Variants in STK17A observed in about 807,000 individuals in gnomAD.
STK17A encodes the protein serine/threonine-protein kinase 17A.
In STK17A, 26 loss-of-function variants were observed where a neutral mutation model predicts 43.7. That is an observed-to-expected ratio of 0.60 (90% CI 0.44 to 0.83). The LOEUF is 0.83. STK17A is among the 40% of genes least tolerant of loss of function. The pLI is 0.00. For missense variants in STK17A, 476 were observed against 511.6 expected, an observed-to-expected ratio of 0.93 and a Z score of 0.67; for synonymous variants, 191 against 182.5, an observed-to-expected ratio of 1.05 and a Z score of -0.38.
chr7:43,600,978 A>G (rs943357572), intron 2 of STK17A, among the ~76,000 whole-genome samples: 1 of 152,236 alleles, frequency 6.6e-6, no homozygotes, highest in African/African-American at 2.4e-5. Flanking sequence ...CATGTAGCAA[A>G]AAGGTAGAAA....
At chr7:43,621,295 A>G (rs1157826219) in intron 4 of STK17A, among the ~76,000 whole-genome samples, 3 of 152,200 alleles carry the variant, frequency 2.0e-5, no homozygotes, top group African/African-American at 7.2e-5. Flanking sequence ...CCACTAAGTT[A>G]GTTTTGGGGA....
chr7:43,601,302 C>T (rs548419151), intron 2 of STK17A, among the ~76,000 whole-genome samples: 5 of 152,156 alleles, frequency 3.3e-5, no homozygotes, highest in East Asian at 1.9e-4. Context: ...AGAAATAATA[C>T]GAACATGAGA....
chr7:43,600,205 CTG>C (rs913823333), intron 2 of STK17A, among the ~76,000 whole-genome samples: 1 of 152,212 alleles, frequency 6.6e-6, no homozygotes, highest in African/African-American at 2.4e-5. Context: ...CTCCTTTAAA[CTG>C]TACTTAATTT....
At chr7:43,583,499 G>T in intron 1 of STK17A, 50 bp downstream of exon 1, 1 of 1,249,712 alleles carries the variant, frequency 8.0e-7, no homozygotes, top group South Asian at 3.1e-5. Flanking sequence ...GCGCGGGGCG[G>T]GACGTGGGCG....
In STK17A at chr7:43,619,578, G is replaced by A; in HGVS notation, c.565-19G>A. Reference sequence around the variant, plus strand: ...AATCATAGTTATATTGATTTTTGCGGGGGTGTATTTTCTTTTAGCCTCAGA... The same window carrying A: ...AATCATAGTTATATTGATTTTTGCGAGGGTGTATTTTCTTTTAGCCTCAGA... On this transcript the variant is annotated intron_variant, in intron 3 of 6. Coordinates refer to ENST00000319357, the MANE Select transcript of STK17A (RefSeq NM_004760.3). The A allele has an allele frequency of 6.2e-7, 1 of 1,608,342 alleles. No homozygotes were observed. Among genetic ancestry groups the A allele is most frequent in the East Asian group, 2.2e-5 (1 of 44,764 alleles).
chr7:43,589,937 A>AATTTAATTTTATTTT (rs1554477999), intron 1 of STK17A, among the ~76,000 whole-genome samples: 1 of 103,780 alleles, frequency 9.6e-6, no homozygotes, highest in Non-Finnish European at 2.3e-5. Context: ...TTTTAATTTT[A>AATTTAATTTTATTTT]ATTTTATTTT....
chr7:43,583,567 C>CG (rs2082417074), intron 1 of STK17A, 118 bp downstream of exon 1: 1 of 937,228 alleles, frequency 1.1e-6, no homozygotes. Flanking sequence ...CTGCCGATAA[C>CG]GCGCGTTGTG....
intron 2 of STK17A, among the ~76,000 whole-genome samples, chr7:43,599,233 T>G (rs1036044163): frequency 6.6e-6 from 1 of 152,226 alleles, no homozygotes; most frequent in African/African-American, 2.4e-5. Flanking sequence ...AGTGAATTGG[T>G]GCAATATGTG....
chr7:43,610,954 G>A (rs1011736193), intron 3 of STK17A, among the ~76,000 whole-genome samples: 2 of 151,634 alleles, frequency 1.3e-5, no homozygotes, highest in Non-Finnish European at 2.9e-5. Context: ...CTATCTCTAC[G>A]AAAAATACAA....
chr7:43,586,204 C>T (rs1167455561), intron 1 of STK17A, among the ~76,000 whole-genome samples: 1 of 151,106 alleles, frequency 6.6e-6, no homozygotes, highest in African/African-American at 2.4e-5. Flanking sequence ...TATTCTATGG[C>T]CTTTCATTTA....
Position 43,624,609 on chromosome 7 carries a change from G to C in STK17A, c.1012G>C (p.Glu338Gln). ...EPSFRMEKALEEANALQEGHS... is the reference protein window; with the variant it reads ...EPSFRMEKALQEANALQEGHS... ...TTCTTTCAGGATGGAAAAGGCACTAGAAGAAGCAAATGCCCTCCAAGAAGG... is the reference window on the plus strand; with the variant it reads ...TTCTTTCAGGATGGAAAAGGCACTACAAGAAGCAAATGCCCTCCAAGAAGG... Residue 338 changes from glutamate (E) to glutamine (Q), a missense_variant, in exon 7 of 7, where the codon GAA becomes CAA. Coordinates refer to ENST00000319357, the MANE Select transcript of STK17A (RefSeq NM_004760.3). 6.2e-7 allele frequency: 1 copy of C among 1,614,108 alleles called. No individual in the cohort carries two copies. Among genetic ancestry groups the C allele is most frequent in the Middle Eastern group, 1.6e-4 (1 of 6,062 alleles).
intron 3 of STK17A, among the ~76,000 whole-genome samples, chr7:43,616,984 AC>A (rs1049495269): frequency 2.6e-5 from 4 of 152,204 alleles, no homozygotes; most frequent in African/African-American, 7.2e-5. Flanking sequence ...CTGCTTCACT[AC>A]CATCTTAGGC....
chr7:43,618,663 G>C (rs966916484), intron 3 of STK17A, among the ~76,000 whole-genome samples: 1 of 152,136 alleles, frequency 6.6e-6, no homozygotes, highest in Non-Finnish European at 1.5e-5. Flanking sequence ...TTACATTCTA[G>C]TCCATAATAT....
intron 3 of STK17A, 125 bp downstream of exon 3, chr7:43,608,525 TGAGTC>T (rs2082637954): frequency 8.4e-7 from 1 of 1,184,226 alleles, no homozygotes; most frequent in African/African-American, 1.5e-5. Flanking sequence ...ATATTAGAAT[TGAGTC>T]TTTACTCCTA....
intron 3 of STK17A, among the ~76,000 whole-genome samples, chr7:43,618,927 A>AG (rs1375083780): frequency 6.6e-6 from 1 of 152,210 alleles, no homozygotes; most frequent in Admixed American, 6.5e-5. Context: ...TGGTGGGAGA[A>AG]GAGGGCCATG....
At position 43,594,998 on chromosome 7, in the gene STK17A, C is replaced by T. The variant is rs370362225; in HGVS notation, c.207-903C>T. ...GTTCAAGCCCACATAGGTTTAATTC[C>T]AGAGCTCATACTTTTAATCAGTATG... On this transcript the variant is annotated intron_variant, in intron 1 of 6. Transcript: ENST00000319357. 2.6e-5 allele frequency among the ~76,000 whole-genome samples: 4 copies of T among 151,976 alleles called. No individual in the cohort carries two copies. In the East Asian group the frequency reaches 7.7e-4, roughly 29 times the overall value.
At chr7:43,604,491 C>T (rs2082575898) in intron 2 of STK17A, among the ~76,000 whole-genome samples, 1 of 152,096 alleles carries the variant, frequency 6.6e-6, no homozygotes, top group South Asian at 2.1e-4. Context: ...CTACCTCACC[C>T]TACATTCTTG....
chr7:43,594,405 TG>T (rs1484299554), intron 1 of STK17A, among the ~76,000 whole-genome samples: 1 of 152,234 alleles, frequency 6.6e-6, no homozygotes, highest in African/African-American at 2.4e-5. Context: ...TGGTCTGTAC[TG>T]CTCAGCAGAG....
chr7:43,591,402 T>A (rs1472439827), intron 1 of STK17A, among the ~76,000 whole-genome samples: 1 of 151,574 alleles, frequency 6.6e-6, no homozygotes, highest in Non-Finnish European at 1.5e-5. Flanking sequence ...TATGGCTGCT[T>A]TTGTTCTGCA....
Sources: gnomAD v4.1 joint callset for allele counts (sites outside exome capture counted in the v4.1 genomes callset) on GRCh38, gnomAD v4.1.1 for gene constraint, MANE v1.5 for transcripts, NCBI Gene and HGNC (gene_info 2026-07-23, HGNC 2026-07-21) for gene names.